DIXDC1: variants seen among roughly 807,000 people sequenced by gnomAD.
DIXDC1 encodes dixin.
In DIXDC1, 64 loss-of-function variants were observed where a neutral mutation model predicts 103.1. The observed-to-expected ratio is 0.62, with a 90% CI of 0.51 to 0.76. The LOEUF is 0.76. DIXDC1 is among the 30% of genes least tolerant of loss of function. The pLI is 0.00. For missense variants in DIXDC1, 759 were observed against 834.2 expected (o/e 0.91, Z 1.11); for synonymous variants, 266 against 298.5 (o/e 0.89, Z 1.12).
rs1377993116 is a variant in DIXDC1, at chr11:111,958,179, G to C, written c.61-6370G>C. Among the ~76,000 whole-genome samples, 2 of 152,004 alleles carry C rather than the reference G, an allele frequency of 1.3e-5. No individual in the cohort carries two copies. Among genetic ancestry groups the C allele is most frequent in the African/African-American group, 4.8e-5 (2 of 41,380 alleles). Reference sequence around the variant, plus strand: ...CCTGTGCTCTTGTGGGCCAGAAGCAGGTAGGAGTCCCGGCCTCCCGGGCAC... The same window carrying C: ...CCTGTGCTCTTGTGGGCCAGAAGCACGTAGGAGTCCCGGCCTCCCGGGCAC... On this transcript the variant is annotated intron_variant, in intron 1 of 19. Coordinates refer to ENST00000440460, the MANE Select transcript of DIXDC1 (RefSeq NM_001037954.4). This position sits in a 1 kb window ranked among gnomAD's most constrained non-coding sequence, Gnocchi z 4.2.
upstream of DIXDC1, among the ~76,000 whole-genome samples, chr11:111,933,400 A>G (rs782441407): frequency 1.3e-5 from 2 of 151,844 alleles, no homozygotes; most frequent in African/African-American, 2.4e-5. Flanking sequence ...CTTCCAATAT[A>G]CTGGGATTAC....
intron 1 of DIXDC1, among the ~76,000 whole-genome samples, chr11:111,940,445 CA>C (rs1169381776): frequency 4.6e-5 from 7 of 152,152 alleles, no homozygotes; most frequent in African/African-American, 1.4e-4. Flanking sequence ...GCATCTGCCT[CA>C]AAGCTATTTG....
Position 111,977,140 on chromosome 11 carries a change from G to A in DIXDC1, c.656+2157G>A, listed in dbSNP as rs1860125897. 8.6e-6 allele frequency: 4 copies of A among 465,966 alleles called. No homozygotes were observed. The highest frequency in any genetic ancestry group is 1.1e-5 in the Non-Finnish European group (4 of 355,268). The allele number at this position is 465,966 out of a possible 1,614,324, so 28.9% of individuals were successfully genotyped here. A position where few individuals can be genotyped will look rare whatever the true frequency, so the allele number is the denominator to read the frequency against. ...CTCTCCTCGCATCCCCCAACCCCTC[G>A]TCGACGTCCCCACCCCCACCTCCAC... is the stretch of plus-strand genomic sequence containing the variant. On this transcript the variant is annotated intron_variant, in intron 5 of 19. Coordinates refer to ENST00000440460, the MANE Select transcript of DIXDC1 (RefSeq NM_001037954.4). This position sits in a 1 kb window ranked among gnomAD's most constrained non-coding sequence, Gnocchi z 6.1.
At chr11:111,985,422 C>T in intron 8 of DIXDC1, 101 bp downstream of exon 8, 1 of 923,152 alleles carries the variant, frequency 1.1e-6, no homozygotes, top group Non-Finnish European at 1.6e-6. Context: ...TGCTGTCTTC[C>T]TTGACCAGTT....
At chr11:111,939,401 T>G (rs768911179) in intron 1 of DIXDC1, among the ~76,000 whole-genome samples, 3 of 152,324 alleles carry the variant, frequency 2.0e-5, no homozygotes, top group Non-Finnish European at 2.9e-5. Context: ...TAATGGAATC[T>G]TCATAAAAAC....
intron 1 of DIXDC1, among the ~76,000 whole-genome samples, chr11:111,956,087 C>A (rs1301264734): frequency 1.3e-5 from 2 of 151,382 alleles, no homozygotes; most frequent in Non-Finnish European, 2.9e-5. Context: ...CATGGATGAA[C>A]CTTGAGGACA....
intron 1 of DIXDC1, among the ~76,000 whole-genome samples, chr11:111,950,382 T>C (rs1406396726): frequency 7.2e-6 from 1 of 138,864 alleles, no homozygotes; most frequent in Non-Finnish European, 1.6e-5. Context: ...TTATTTTATT[T>C]TTTTTTATTT....
At chr11:112,002,201 T>C (rs1428759865) in intron 17 of DIXDC1, among the ~76,000 whole-genome samples, 1 of 151,354 alleles carries the variant, frequency 6.6e-6, no homozygotes. Context: ...CAGTGAGATA[T>C]CATCTTACCC....
intron 10 of DIXDC1, among the ~76,000 whole-genome samples, chr11:111,990,851 C>T (rs916559274): frequency 6.6e-6 from 1 of 152,046 alleles, no homozygotes; most frequent in African/African-American, 2.4e-5. Flanking sequence ...GGATTACAGG[C>T]GTGTGCCACC....
At chr11:111,939,383 T>C (rs1966340292) in intron 1 of DIXDC1, among the ~76,000 whole-genome samples, 1 of 152,230 alleles carries the variant, frequency 6.6e-6, no homozygotes, top group Non-Finnish European at 1.5e-5. Flanking sequence ...GTGGTCTTTT[T>C]GTGGTGGTAA....
chr11:111,975,205 C>CAG, intron 5 of DIXDC1: 1 of 1,344,050 alleles, frequency 7.4e-7, no homozygotes, highest in East Asian at 3.2e-5. Flanking sequence ...GGAATCTGTG[C>CAG]AGTCCCAGTG....
chr11:112,021,606 C>G lies in DIXDC1; in HGVS notation c.*2570C>G, dbSNP rs1313064797. On this transcript the variant is annotated 3_prime_UTR_variant, in exon 20 of 20. Transcript: ENST00000440460. ...ATGCTTAGAGTTCATAAAATAATCT[C>G]TAAACCATGTTAGGTTAAAACAAAA... The G allele has an allele frequency of 3.3e-5, 5 of 152,176 alleles. No individual in the cohort carries two copies. Among genetic ancestry groups the G allele is most frequent in the Non-Finnish European group, 7.4e-5 (5 of 68,018 alleles). 9.4% of individuals were successfully genotyped at this position (152,176 alleles called of 1,614,324 possible). A position where few individuals can be genotyped will look rare whatever the true frequency, so the allele number is the denominator to read the frequency against.
In DIXDC1 at chr11:111,977,201, C is replaced by T; in HGVS notation, c.656+2218C>T. 1 of 973,224 alleles carries T rather than the reference C, an allele frequency of 1.0e-6. No homozygotes were observed. The highest frequency in any genetic ancestry group is 1.2e-6 in the Non-Finnish European group (1 of 818,088). The allele number at this position is 973,224 out of a possible 1,614,324, so 60.3% of individuals were successfully genotyped here. On this transcript the variant is annotated intron_variant, in intron 5 of 19. Transcript: ENST00000440460. The surrounding 1 kb of genome is among the most constrained non-coding windows in gnomAD (Gnocchi z 6.1). ...CCCGCCCCTGGCCCGCACCCTCAACCTCCGTCCAGAGCGGTCGGTTGGCCA... is the reference window on the plus strand; with the variant it reads ...CCCGCCCCTGGCCCGCACCCTCAACTTCCGTCCAGAGCGGTCGGTTGGCCA...
At chr11:111,928,195 G>A (rs1199509922) in intron 1 of DIXDC1, among the ~76,000 whole-genome samples, 1 of 151,954 alleles carries the variant, frequency 6.6e-6, no homozygotes, top group Non-Finnish European at 1.5e-5. Context: ...GAAAAGGTGG[G>A]TTGGAGGACT....
chr11:111,993,614 T>G (rs1860781953), intron 13 of DIXDC1, 26 bp downstream of exon 13: 1 of 1,613,882 alleles, frequency 6.2e-7, no homozygotes, highest in African/African-American at 1.3e-5. Context: ...GCCACTGACT[T>G]CCCTGCCTCT....
In DIXDC1 at chr11:111,931,861, G is replaced by A. The variant is rs143111716; in HGVS notation, c.57+1951G>A. Among the ~76,000 whole-genome samples, 48 of 152,248 alleles carry A rather than the reference G, an allele frequency of 3.2e-4. No homozygotes were observed. In the East Asian group the frequency reaches 9.1e-3, roughly 29 times the overall value. On this transcript the variant is annotated intron_variant, in intron 2 of 5. Coordinates refer to the DIXDC1 transcript ENST00000529225. Reference sequence around the variant, plus strand: ...TGCAGAAAGATGATTTGATGTTAGTGTAATTACTGATGTGGAGCTCTGACA... The same window carrying A: ...TGCAGAAAGATGATTTGATGTTAGTATAATTACTGATGTGGAGCTCTGACA...
chr11:111,976,026 G>A lies in DIXDC1; in HGVS notation c.656+1043G>A. On this transcript the variant is annotated intron_variant, in intron 5 of 19. Coordinates refer to ENST00000440460, the MANE Select transcript of DIXDC1 (RefSeq NM_001037954.4). This position sits in a 1 kb window ranked among gnomAD's most constrained non-coding sequence, Gnocchi z 4.3. Reference sequence around the variant, plus strand: ...CAGTGGCATTTAGTATCTTCATAATGTGGTGCGACCATCACCTCTATCCAC... The same window carrying A: ...CAGTGGCATTTAGTATCTTCATAATATGGTGCGACCATCACCTCTATCCAC... The A allele has an allele frequency of 1.6e-6, 1 of 623,450 alleles. No homozygotes were observed. The highest frequency in any genetic ancestry group is 2.0e-6 in the Non-Finnish European group (1 of 499,614). The allele number at this position is 623,450 out of a possible 1,614,324, so 38.6% of individuals were successfully genotyped here.
intron 1 of DIXDC1, chr11:111,929,693 T>A (rs1295917664): frequency 7.2e-6 from 4 of 552,014 alleles, no homozygotes; most frequent in Non-Finnish European, 1.3e-5. Context: ...CTATTTCTGA[T>A]ACTTCAAGAT....
intron 16 of DIXDC1, among the ~76,000 whole-genome samples, chr11:111,995,766 C>G (rs936010835): frequency 2.0e-5 from 3 of 151,484 alleles, no homozygotes. Flanking sequence ...CATGGTCATA[C>G]TTGCTCCCAG....
Sources: allele counts gnomAD v4.1 joint callset (sites outside exome capture counted in the v4.1 genomes callset), GRCh38; gene constraint gnomAD v4.1.1; non-coding constraint Gnocchi (gnomAD v3.1); transcripts MANE v1.5; gene names NCBI Gene and HGNC (gene_info 2026-07-23, HGNC 2026-07-21).